Variants in HMGCLL1 observed in about 807,000 individuals in gnomAD.
The protein encoded by HMGCLL1 is 3-hydroxymethyl-3-methylglutaryl-CoA lyase, cytoplasmic.
In HMGCLL1, 36 loss-of-function variants were observed where a neutral mutation model predicts 39.1. That is an observed-to-expected ratio of 0.92 (90% CI 0.71 to 1.22). The LOEUF is 1.22. HMGCLL1 is among the 50% of genes most tolerant of loss of function. The pLI, the probability that HMGCLL1 is intolerant of heterozygous loss-of-function variation, is 0.00. For synonymous variants in HMGCLL1, 149 were observed against 144.0 expected, an observed-to-expected ratio of 1.03 and a Z score of -0.25; for missense variants, 451 against 416.5, an observed-to-expected ratio of 1.08 and a Z score of -0.72.
chr6:55,435,444 A>G lies in HMGCLL1; in HGVS notation c.*218T>C. ...TTTTTTCCAAGTTCAAAATTATGAC[A>G]AGTTTTATTATTTATCCTCAGCTTG... On this transcript the variant is annotated 3_prime_UTR_variant, in exon 9 of 9. Transcript: ENST00000274901. 2.7e-6 allele frequency: 1 copy of G among 372,160 alleles called. No homozygotes were observed. The highest frequency in any genetic ancestry group is 4.8e-6 in the Non-Finnish European group (1 of 207,178). 23.1% of individuals were successfully genotyped at this position (372,160 alleles called of 1,614,324 possible).
intron 3 of HMGCLL1, among the ~76,000 whole-genome samples, chr6:55,528,331 T>C (rs184960008): frequency 4.6e-5 from 7 of 152,190 alleles, no homozygotes; most frequent in Admixed American, 3.9e-4. Context: ...TCAGACCCTA[T>C]AACTCAAAAC....
At position 55,445,615 on chromosome 6, in the gene HMGCLL1, A is replaced by T. The variant is rs1351706424; in HGVS notation, c.796-6056T>A. On this transcript the variant is annotated intron_variant, in intron 7 of 8. Coordinates refer to ENST00000274901, the MANE Select transcript of HMGCLL1 (RefSeq NM_001042406.2). ...AGATGTTCCATTTCTCTCCTTTTCA[A>T]GCACAGTCACTACTTTCAGACTCAG... Among the ~76,000 whole-genome samples, 9 of 151,980 alleles carry T rather than the reference A, an allele frequency of 5.9e-5. No individual in the cohort carries two copies. The East Asian group carries it at 1.7e-3, about 29-fold the overall frequency.
intron 7 of HMGCLL1, among the ~76,000 whole-genome samples, chr6:55,476,269 A>G (rs1765280898): frequency 6.6e-6 from 1 of 151,658 alleles, no homozygotes; most frequent in African/African-American, 2.4e-5. Flanking sequence ...TACTTTCTAT[A>G]TAGTAATATA....
At chr6:55,663,034 T>C in the HMGCLL1 span, among the ~76,000 whole-genome samples, 1 of 151,604 alleles carries the variant, frequency 6.6e-6, no homozygotes. Context: ...GGTAACAAAC[T>C]CTTTGTTGTT....
intron 5 of HMGCLL1, among the ~76,000 whole-genome samples, chr6:55,506,891 T>C (rs1325035518): frequency 6.6e-6 from 1 of 151,634 alleles, no homozygotes; most frequent in Non-Finnish European, 1.5e-5. Flanking sequence ...GGTAAGAATA[T>C]AAAACTCCTA....
intron 7 of HMGCLL1, among the ~76,000 whole-genome samples, chr6:55,457,242 G>C (rs1040785371): frequency 6.6e-6 from 1 of 152,166 alleles, no homozygotes; most frequent in Non-Finnish European, 1.5e-5. Context: ...GAGATTCACT[G>C]TCTATCCTCT....
At chr6:55,581,015 G>C (rs1159660327), upstream of HMGCLL1, among the ~76,000 whole-genome samples, 3 of 152,074 alleles carry the variant, frequency 2.0e-5, no homozygotes, top group African/African-American at 4.8e-5. Flanking sequence ...AATTTTAAAA[G>C]ATCCAACTTC....
chr6:55,470,528 C>G (rs1295088049), intron 7 of HMGCLL1, among the ~76,000 whole-genome samples: 1 of 151,780 alleles, frequency 6.6e-6, no homozygotes, highest in Non-Finnish European at 1.5e-5. Flanking sequence ...TGACATATTT[C>G]ATTTTTTTCT....
chr6:55,471,030 A>G (rs1765021903), intron 7 of HMGCLL1, among the ~76,000 whole-genome samples: 1 of 150,520 alleles, frequency 6.6e-6, no homozygotes, highest in Admixed American at 6.6e-5. Flanking sequence ...CAGCATTACA[A>G]TATTTTAGAA....
At chr6:55,625,670 G>A in the HMGCLL1 span, among the ~76,000 whole-genome samples, 1 of 152,184 alleles carries the variant, frequency 6.6e-6, no homozygotes, top group Non-Finnish European at 1.5e-5. Context: ...CATGGAAGGA[G>A]AAATAGTCAG....
intron 1 of HMGCLL1, among the ~76,000 whole-genome samples, chr6:55,566,112 A>C (rs1771198251): frequency 6.6e-6 from 1 of 152,174 alleles, no homozygotes; most frequent in Non-Finnish European, 1.5e-5. Flanking sequence ...AGTGAAATAA[A>C]TATGAAATTG....
intron 1 of HMGCLL1, among the ~76,000 whole-genome samples, chr6:55,543,017 T>C (rs1769566050): frequency 8.5e-6 from 1 of 118,184 alleles, no homozygotes; most frequent in South Asian, 2.4e-4. Context: ...TAATATATCA[T>C]ATATAGATAT....
At chr6:55,544,113 T>A (rs1323664654) in intron 1 of HMGCLL1, among the ~76,000 whole-genome samples, 1 of 152,034 alleles carries the variant, frequency 6.6e-6, no homozygotes, top group Non-Finnish European at 1.5e-5. Flanking sequence ...TATACCACAA[T>A]AACCCACTGG....
upstream of HMGCLL1, among the ~76,000 whole-genome samples, chr6:55,580,406 C>CATT (rs1561975445): frequency 2.7e-5 from 2 of 73,266 alleles, no homozygotes; most frequent in Admixed American, 2.3e-4. Flanking sequence ...TTTTTTCTTT[C>CATT]TTTTTTTTTT....
chr6:55,583,338 C>A (rs1320928821), upstream of HMGCLL1, among the ~76,000 whole-genome samples: 1 of 151,878 alleles, frequency 6.6e-6, no homozygotes, highest in East Asian at 1.9e-4. Flanking sequence ...AATGCTATCC[C>A]TCCCCTCTCC....
At chr6:55,529,519 C>T (rs992465881) in intron 3 of HMGCLL1, among the ~76,000 whole-genome samples, 2 of 151,874 alleles carry the variant, frequency 1.3e-5, no homozygotes, top group Non-Finnish European at 2.9e-5. Context: ...GGTCTTATTA[C>T]CACAACAAGC....
intron 7 of HMGCLL1, among the ~76,000 whole-genome samples, chr6:55,449,299 C>T (rs529670347): frequency 6.6e-6 from 1 of 152,280 alleles, no homozygotes; most frequent in East Asian, 1.9e-4. Context: ...GTGAAACAGG[C>T]CATTTCTAAA....
At chr6:55,539,914 GAAAGAAA>G (rs1581918505) in intron 3 of HMGCLL1, among the ~76,000 whole-genome samples, 2 of 128,814 alleles carry the variant, frequency 1.6e-5, no homozygotes, top group Non-Finnish European at 3.3e-5. Flanking sequence ...AAGAAAGAAA[GAAAGAAA>G]AGGAGGATGA....
At chr6:55,610,702 A>G in the HMGCLL1 span, among the ~76,000 whole-genome samples, 1 of 152,066 alleles carries the variant, frequency 6.6e-6, no homozygotes, top group Non-Finnish European at 1.5e-5. Flanking sequence ...AAGATACTCT[A>G]TGAGCAGATC....
Sources: gnomAD v4.1 joint callset for allele counts (sites outside exome capture counted in the v4.1 genomes callset) on GRCh38, gnomAD v4.1.1 for gene constraint, MANE v1.5 for transcripts, NCBI Gene and HGNC (gene_info 2026-07-23, HGNC 2026-07-21) for gene names.